The following CLVS2 variants were observed in gnomAD, a reference collection of about 807,000 sequenced individuals.
CLVS2 encodes the protein clavesin-2.
A neutral mutation model predicts 29.0 loss-of-function variants in CLVS2; 19 were observed. The ratio of observed to expected loss-of-function variants is 0.66; its 90% confidence interval spans 0.46 to 0.96. The LOEUF (loss-of-function observed/expected upper bound fraction) is 0.96, where lower values mean the gene tolerates loss of function less well. Among genes scored for constraint, CLVS2 ranks in the 40% least tolerant of loss-of-function variants. The pLI, the probability that CLVS2 is intolerant of heterozygous loss-of-function variation, is 0.00. For synonymous variants in CLVS2, 161 were observed against 151.3 expected (o/e 1.06, Z -0.47); for missense variants, 294 against 404.1 (o/e 0.73, Z 2.34).
chr6:123,044,521 GA>G (rs140063534), intron 3 of CLVS2, among the ~76,000 whole-genome samples: 6 of 145,912 alleles, frequency 4.1e-5, no homozygotes, highest in South Asian at 4.4e-4. Context: ...AAAGGGGAAA[GA>G]AAAAAAAAAC....
At chr6:123,032,982 A>G (rs1775104664) in intron 3 of CLVS2, among the ~76,000 whole-genome samples, 1 of 152,078 alleles carries the variant, frequency 6.6e-6, no homozygotes, top group Non-Finnish European at 1.5e-5. Context: ...AGTTTTTTGA[A>G]TTAGTCATTT....
chr6:123,023,636 T>C (rs975166766), intron 3 of CLVS2, among the ~76,000 whole-genome samples: 1 of 152,122 alleles, frequency 6.6e-6, no homozygotes, highest in African/African-American at 2.4e-5. Context: ...AGAAAGCATC[T>C]AGGAAAATCA....
intron 3 of CLVS2, among the ~76,000 whole-genome samples, chr6:123,039,314 T>C (rs1177226881): frequency 6.6e-6 from 1 of 152,180 alleles, no homozygotes; most frequent in Non-Finnish European, 1.5e-5. Flanking sequence ...ACCTTTTTGC[T>C]GTCAGATGAC....
At chr6:123,002,586 TAATAA>T (rs150606484) in intron 2 of CLVS2, among the ~76,000 whole-genome samples, 11 of 144,230 alleles carry the variant, frequency 7.6e-5, no homozygotes, top group African/African-American at 2.3e-4. Flanking sequence ...GTACTAAAAA[TAATAA>T]AATAAAATAA....
chr6:123,041,637 T>C (rs1316092111), intron 3 of CLVS2, among the ~76,000 whole-genome samples: 4 of 152,082 alleles, frequency 2.6e-5, no homozygotes, highest in Non-Finnish European at 5.9e-5. Context: ...TTAACACATA[T>C]AGAATGGGGA....
chr6:123,063,133 G>A (rs986303444), intron 5 of CLVS2, among the ~76,000 whole-genome samples: 1 of 151,964 alleles, frequency 6.6e-6, no homozygotes, highest in Non-Finnish European at 1.5e-5. Context: ...TATTCTACTA[G>A]GACATTTAAC....
chr6:123,039,268 A>G (rs1775196389), intron 3 of CLVS2, among the ~76,000 whole-genome samples: 1 of 152,122 alleles, frequency 6.6e-6, no homozygotes. Context: ...AGGAGACCCA[A>G]TCCATTATTG....
chr6:123,015,489 T>C (rs1378633779), intron 3 of CLVS2, among the ~76,000 whole-genome samples: 1 of 152,034 alleles, frequency 6.6e-6, no homozygotes, highest in Non-Finnish European at 1.5e-5. Flanking sequence ...TCAGCTGACC[T>C]CAAGGCTTGA....
At chr6:123,000,367 T>C (rs1774573845) in intron 2 of CLVS2, among the ~76,000 whole-genome samples, 1 of 152,200 alleles carries the variant, frequency 6.6e-6, no homozygotes, top group Admixed American at 6.5e-5. Flanking sequence ...TAAATCTACA[T>C]AACCCAATGA....
intron 2 of CLVS2, 89 bp downstream of exon 2, chr6:122,998,255 A>G: frequency 6.9e-7 from 1 of 1,440,210 alleles, no homozygotes; most frequent in Non-Finnish European, 9.3e-7. Flanking sequence ...TGTAGATTTG[A>G]TATTTTTGTT....
chr6:123,049,940 A>G (rs1772580186), intron 4 of CLVS2, among the ~76,000 whole-genome samples: 2 of 152,200 alleles, frequency 1.3e-5, no homozygotes, highest in Admixed American at 1.3e-4. Context: ...TAAAACTTAA[A>G]GTATAATTTT....
chr6:123,007,841 G>T (rs1774691551), intron 2 of CLVS2, among the ~76,000 whole-genome samples: 1 of 152,262 alleles, frequency 6.6e-6, no homozygotes, highest in East Asian at 1.9e-4. Flanking sequence ...GCATACAAGA[G>T]AAGAATAACA....
intron 3 of CLVS2, 138 bp downstream of exon 3, chr6:123,011,297 A>C: frequency 1.8e-6 from 1 of 568,136 alleles, no homozygotes; most frequent in South Asian, 3.4e-5. Context: ...CAAACATTAA[A>C]ATACTAACTG....
chr6:123,017,456 C>T (rs1257607646), intron 3 of CLVS2, among the ~76,000 whole-genome samples: 1 of 152,044 alleles, frequency 6.6e-6, no homozygotes, highest in African/African-American at 2.4e-5. Context: ...TATGCAGAGG[C>T]ATTACCACAT....
intron 2 of CLVS2, among the ~76,000 whole-genome samples, chr6:123,009,627 C>A (rs923449755): frequency 1.3e-5 from 2 of 151,998 alleles, no homozygotes; most frequent in Non-Finnish European, 2.9e-5. Flanking sequence ...CACTCCCCTC[C>A]CCATCCTGCC....
In CLVS2 at chr6:123,071,986, T is replaced by C. The variant is rs545098512; in HGVS notation, c.*8225T>C. 1.3e-5 allele frequency: 2 copies of C among 152,198 alleles called. 1 individual carries two copies. The highest frequency in any genetic ancestry group is 4.1e-4 in the South Asian group (2 of 4,826). The allele number at this position is 152,198 out of a possible 1,614,324, so 9.4% of individuals were successfully genotyped here. On this transcript the variant is annotated 3_prime_UTR_variant, in exon 6 of 6. Coordinates refer to ENST00000275162, the MANE Select transcript of CLVS2 (RefSeq NM_001010852.4). ...AGAGCCTTACAGTCACAATTGTTCTTAACTATCCCAAATTTTTATTTCCTA... is the reference window on the plus strand; with the variant it reads ...AGAGCCTTACAGTCACAATTGTTCTCAACTATCCCAAATTTTTATTTCCTA...
chr6:123,040,370 A>G (rs190009623), intron 3 of CLVS2, among the ~76,000 whole-genome samples: 1 of 152,292 alleles, frequency 6.6e-6, no homozygotes, highest in African/African-American at 2.4e-5. Context: ...CTAATAGGTT[A>G]GTGGATTTAT....
intron 2 of CLVS2, among the ~76,000 whole-genome samples, chr6:123,007,484 A>G (rs940660774): frequency 6.6e-6 from 1 of 152,238 alleles, no homozygotes. Flanking sequence ...ATTCATGAAT[A>G]TATATCCTAC....
At position 123,072,711 on chromosome 6, in the gene CLVS2, T is replaced by A. The variant is rs528963948; in HGVS notation, c.*8950T>A. On this transcript the variant is annotated 3_prime_UTR_variant, in exon 6 of 6. Coordinates refer to ENST00000275162, the MANE Select transcript of CLVS2 (RefSeq NM_001010852.4). The stretch of plus-strand genomic sequence containing the variant: ...ATTTTCTTTTCATAATTTTTTATGA[T>A]TGAATTCTAAGGGTATGTTCCTTGG... The A allele has an allele frequency of 2.6e-5, 4 of 152,262 alleles. No homozygotes were observed. In the East Asian group the frequency reaches 5.8e-4, roughly 22 times the overall value. The allele number at this position is 152,262 out of a possible 1,614,324, so 9.4% of individuals were successfully genotyped here.
Sources: allele counts gnomAD v4.1 joint callset (sites outside exome capture counted in the v4.1 genomes callset), GRCh38; gene constraint gnomAD v4.1.1; transcripts MANE v1.5; gene names NCBI Gene and HGNC (gene_info 2026-07-23, HGNC 2026-07-21).